NINJ2: variants seen among roughly 807,000 people sequenced by gnomAD.
The protein encoded by NINJ2 is ninjurin 2, also known as ninjurin-2.
A neutral mutation model predicts 11.7 loss-of-function variants in NINJ2; 12 were observed. The observed-to-expected ratio is 1.02, with a 90% CI of 0.66 to 1.66. The LOEUF (loss-of-function observed/expected upper bound fraction) is 1.66. Among genes scored for constraint, NINJ2 ranks in the 40% most tolerant of loss-of-function variants. The pLI is 0.00. For synonymous variants in NINJ2, 93 were observed against 76.8 expected, an observed-to-expected ratio of 1.21 and a Z score of -1.10; for missense variants, 187 against 181.8, an observed-to-expected ratio of 1.03 and a Z score of -0.16.
intron 1 of NINJ2, among the ~76,000 whole-genome samples, chr12:649,051 TTTTC>T (rs1301259446): frequency 6.7e-6 from 1 of 148,606 alleles, no homozygotes; most frequent in Non-Finnish European, 1.5e-5. Context: ...GATTTTATCT[TTTTC>T]TTTTTTTTTT....
At chr12:645,346 A>G (rs1937659729) in intron 1 of NINJ2, 1 of 152,180 alleles carries the variant, frequency 6.6e-6, no homozygotes, top group Non-Finnish European at 1.5e-5. Flanking sequence ...TCCTCACAGA[A>G]TTAAGTGAGA....
chr12:641,265 G>A (rs937092549), intron 1 of NINJ2, among the ~76,000 whole-genome samples: 10 of 152,136 alleles, frequency 6.6e-5, no homozygotes, highest in South Asian at 2.1e-4. Context: ...GAATGGGAAA[G>A]TGGCTGCACT....
intron 1 of NINJ2, among the ~76,000 whole-genome samples, chr12:648,984 A>ATCTGTCTGTCTG (rs1555167417): frequency 3.0e-5 from 1 of 32,904 alleles, no homozygotes; most frequent in Non-Finnish European, 9.4e-5. Context: ...CCACCTATCT[A>ATCTGTCTGTCTG]TCTATCTATC....
At chr12:650,726 G>GT (rs1192322924) in intron 1 of NINJ2, among the ~76,000 whole-genome samples, 1 of 152,142 alleles carries the variant, frequency 6.6e-6, no homozygotes, top group East Asian at 1.9e-4. Context: ...ACATATTATA[G>GT]TATCAAATGG....
At chr12:629,797 G>A (rs1213947152) in intron 1 of NINJ2, among the ~76,000 whole-genome samples, 1 of 148,430 alleles carries the variant, frequency 6.7e-6, no homozygotes, top group Non-Finnish European at 1.5e-5. Context: ...TGAGGCAGGA[G>A]AATCACTTGA....
At chr12:572,666 G>C (rs2535417) in intron 1 of NINJ2, among the ~76,000 whole-genome samples, 58,132 of 151,976 alleles carry the variant, frequency 0.38, 12,139 homozygotes, top group Non-Finnish European at 0.48. Context: ...ATACCTTGTG[G>C]CTGGCACAGG....
intron 1 of NINJ2, among the ~76,000 whole-genome samples, chr12:630,031 T>C (rs993872177): frequency 4.0e-5 from 6 of 149,894 alleles, no homozygotes; most frequent in African/African-American, 1.2e-4. Context: ...AACAAAACAA[T>C]TGGACACCCT....
At chr12:645,872 G>A (rs1937668684) in intron 1 of NINJ2, 1 of 152,150 alleles carries the variant, frequency 6.6e-6, no homozygotes, top group Non-Finnish European at 1.5e-5. Context: ...TTGTTTCTGA[G>A]ACTCAGAACC....
chr12:649,531 G>GTATATATATATATATATATATATA (rs58255301), intron 1 of NINJ2, among the ~76,000 whole-genome samples: 1,296 of 127,384 alleles, frequency 0.01, 34 homozygotes, highest in Non-Finnish European at 0.015. Flanking sequence ...GTGTATATGT[G>GTATATATATATATATATATATATA]TATATATATA....
At chr12:648,581 C>T (rs534253810) in intron 1 of NINJ2, among the ~76,000 whole-genome samples, 1 of 152,198 alleles carries the variant, frequency 6.6e-6, no homozygotes, top group Non-Finnish European at 1.5e-5. Context: ...GCAGAGGCAC[C>T]TGGGCTCTCA....
intron 1 of NINJ2, among the ~76,000 whole-genome samples, chr12:597,637 G>A (rs772222604): frequency 1.3e-5 from 2 of 152,252 alleles, no homozygotes; most frequent in Non-Finnish European, 2.9e-5. Context: ...AAGACATTGC[G>A]TCTTGAGGCA....
At chr12:642,707 G>A (rs1180346635) in intron 1 of NINJ2, 2 of 152,626 alleles carry the variant, frequency 1.3e-5, no homozygotes. Flanking sequence ...GAAGGTGAAG[G>A]AGCTGCGGGG....
At chr12:643,847 G>A (rs912107534) in intron 1 of NINJ2, 5 of 206,090 alleles carry the variant, frequency 2.4e-5, no homozygotes, top group African/African-American at 4.7e-5. Context: ...GGTCTTAGAT[G>A]ACACTTTCCT....
At chr12:663,203 G>T in intron 1 of NINJ2, 125 bp downstream of exon 1, 1 of 813,640 alleles carries the variant, frequency 1.2e-6, no homozygotes, top group Non-Finnish European at 2.0e-6. Context: ...AGCATTTGGA[G>T]AAGGGAGTGA....
At chr12:603,861 A>G (rs913477866) in intron 1 of NINJ2, among the ~76,000 whole-genome samples, 1 of 152,016 alleles carries the variant, frequency 6.6e-6, no homozygotes, top group Non-Finnish European at 1.5e-5. Context: ...GGGTTTTGCC[A>G]TCTTGGCCAG....
intron 1 of NINJ2, among the ~76,000 whole-genome samples, chr12:638,509 A>G (rs10774393): frequency 0.31 from 47,184 of 152,090 alleles, 7,408 homozygotes; most frequent in Non-Finnish European, 0.34. Context: ...TCCGCCTCCC[A>G]GGTTCACGCC....
Position 640,415 on chromosome 12 carries a change from A to T in NINJ2, c.33+22913T>A, listed in dbSNP as rs1948404015. On this transcript the variant is annotated intron_variant, in intron 1 of 3. Coordinates refer to ENST00000305108, the MANE Select transcript of NINJ2 (RefSeq NM_016533.6). This position sits in a 1 kb window ranked among gnomAD's most constrained non-coding sequence, Gnocchi z 4.0. Reference sequence around the variant, plus strand: ...GTAGTTCTTTCAATACAATTCATTCAGACCTCCCTTTCAATGACAGCAGGG... The same window carrying T: ...GTAGTTCTTTCAATACAATTCATTCTGACCTCCCTTTCAATGACAGCAGGG... Among the ~76,000 whole-genome samples, 1 of 152,222 alleles carries T rather than the reference A, an allele frequency of 6.6e-6. No individual in the cohort carries two copies. Among genetic ancestry groups the T allele is most frequent in the Non-Finnish European group, 1.5e-5 (1 of 68,038 alleles).
At chr12:648,211 C>G (rs1290381751) in intron 1 of NINJ2, among the ~76,000 whole-genome samples, 4 of 152,106 alleles carry the variant, frequency 2.6e-5, no homozygotes, top group Admixed American at 6.6e-5. Context: ...GTAGCTGGGA[C>G]TATATGCACC....
intron 1 of NINJ2, among the ~76,000 whole-genome samples, chr12:583,335 G>T (rs147996366): frequency 1.8e-4 from 27 of 152,376 alleles, no homozygotes; most frequent in Non-Finnish European, 3.7e-4. Flanking sequence ...CCCCAGGGCA[G>T]CCAGGCAAGT....
Sources: allele counts gnomAD v4.1 joint callset (sites outside exome capture counted in the v4.1 genomes callset), GRCh38; gene constraint gnomAD v4.1.1; non-coding constraint Gnocchi (gnomAD v3.1); transcripts MANE v1.5; gene names NCBI Gene and HGNC (gene_info 2026-07-23, HGNC 2026-07-21).